The following C20orf203 variants were observed in gnomAD, a reference collection of about 807,000 sequenced individuals.
The protein encoded by C20orf203 is chromosome 20 open reading frame 203, also known as uncharacterized protein C20orf203.
C20orf203 carries 16 observed loss-of-function variants against 15.9 expected under a neutral mutation model. The observed-to-expected ratio is 1.01, with a 90% CI of 0.68 to 1.53. The LOEUF (loss-of-function observed/expected upper bound fraction) is 1.53. C20orf203 is among the 40% of genes most tolerant of loss of function. The pLI, the probability that C20orf203 is intolerant of heterozygous loss-of-function variation, is 0.00. For missense variants in C20orf203, 263 were observed against 247.5 expected (o/e 1.06, Z -0.42); for synonymous variants, 98 against 97.2 (o/e 1.01, Z -0.05).
At chr20:32,642,967 G>T (rs999217345) in intron 4 of C20orf203, among the ~76,000 whole-genome samples, 1 of 152,152 alleles carries the variant, frequency 6.6e-6, no homozygotes, top group African/African-American at 2.4e-5. Flanking sequence ...CAGGCTGCCG[G>T]TGGGAGGCTA....
chr20:32,635,088 T>C (rs912625282), intron 5 of C20orf203, among the ~76,000 whole-genome samples: 2 of 151,966 alleles, frequency 1.3e-5, no homozygotes, highest in Non-Finnish European at 2.9e-5. Context: ...TAATCCCAGC[T>C]ACTCAGGAGG....
At chr20:32,663,720 C>T (rs868247280) in intron 1 of C20orf203, among the ~76,000 whole-genome samples, 1 of 152,246 alleles carries the variant, frequency 6.6e-6, no homozygotes, top group Non-Finnish European at 1.5e-5. Flanking sequence ...AGCCCAGGTT[C>T]ATCCCCTCCA....
rs1983058226 is a variant in C20orf203 at position 32,667,228 on chromosome 20, A to G, written c.-264+6404T>C. Among the ~76,000 whole-genome samples, 5 of 152,196 alleles carry G rather than the reference A, an allele frequency of 3.3e-5. 1 individual carries two copies. Among genetic ancestry groups the G allele is most frequent in the African/African-American group, 1.2e-4 (5 of 41,516 alleles). On this transcript the variant is annotated intron_variant, in intron 1 of 5. Coordinates refer to ENST00000608990, the MANE Select transcript of C20orf203 (RefSeq NM_182584.4). ...GGGTCACCTGGGATTTTATTCCAAG[A>G]GCTTCGAGGTCGTGGGAGGGCTTTA...
At chr20:32,634,803 C>CAT (rs141321913) in intron 5 of C20orf203, among the ~76,000 whole-genome samples, 312 of 149,502 alleles carry the variant, frequency 2.1e-3, no homozygotes, top group South Asian at 4.2e-3. Context: ...CCTACATATG[C>CAT]ATATATATAT....
intron 1 of C20orf203, among the ~76,000 whole-genome samples, chr20:32,653,823 T>C (rs914354411): frequency 1.3e-5 from 2 of 152,220 alleles, no homozygotes; most frequent in African/African-American, 2.4e-5. Flanking sequence ...TTGGGAGCAG[T>C]GGCTCATGCC....
In C20orf203 at chr20:32,662,918, G is replaced by GATATAT. The variant is rs35258914; in HGVS notation, c.-264+10708_-264+10713dup. On this transcript the variant is annotated intron_variant, in intron 1 of 5. Coordinates refer to ENST00000608990, the MANE Select transcript of C20orf203 (RefSeq NM_182584.4). Reference sequence around the variant, plus strand: ...AAAAAAAACAAGAAAGGAACAGCTAGATATATATATATAGATAGATAGATA... The same window carrying GATATAT: ...AAAAAAAACAAGAAAGGAACAGCTAGATATATATATATATATATAGATAGATAGATA... Among the ~76,000 whole-genome samples, 1,209 of 133,962 alleles carry GATATAT rather than the reference G, an allele frequency of 9.0e-3. 13 individuals carry two copies. Among genetic ancestry groups the GATATAT allele is most frequent in the African/African-American group, 0.019 (666 of 34,744 alleles). 87.9% of individuals were successfully genotyped at this position (133,962 alleles called of 152,430 possible).
chr20:32,673,391 A>T (rs1432558498), intron 1 of C20orf203, among the ~76,000 whole-genome samples: 1 of 151,860 alleles, frequency 6.6e-6, no homozygotes, highest in Non-Finnish European at 1.5e-5. Context: ...CGCCTCAGCC[A>T]TAGCTGCCGG....
At position 32,650,369 on chromosome 20, in the gene C20orf203, A is replaced by T. The variant is rs1982570908; in HGVS notation, c.*63T>A. 3 of 1,194,420 alleles carry T rather than the reference A, an allele frequency of 2.5e-6. No homozygotes were observed. The highest frequency in any genetic ancestry group is 4.1e-5 in the Admixed American group (2 of 48,210). 74.0% of individuals were successfully genotyped at this position (1,194,420 alleles called of 1,614,324 possible). On this transcript the variant is annotated 3_prime_UTR_variant, in exon 4 of 6. Transcript: ENST00000608990. ...GGGGGTGGTAACAGGGGACACCCTG[A>T]GGTGGTGGTGGCCTTGGTAGGACAG...
chr20:32,666,836 G>GT (rs146807849), intron 1 of C20orf203, among the ~76,000 whole-genome samples: 28,423 of 81,614 alleles, frequency 0.35, 5,252 homozygotes, highest in Middle Eastern at 0.49. Flanking sequence ...GTTTTGTTTT[G>GT]TTTTTTAGAG....
At position 32,634,215 on chromosome 20, in the gene C20orf203, G is replaced by A. The variant is rs1982077839; in HGVS notation, c.*1355C>T. The A allele has an allele frequency of 2.5e-6, 1 of 398,670 alleles. No individual in the cohort carries two copies. The highest frequency in any genetic ancestry group is 2.1e-5 in the African/African-American group (1 of 48,748). 24.7% of individuals were successfully genotyped at this position (398,670 alleles called of 1,614,324 possible). ...GGGGCTTGAGTTCAGGGGTTGGGGG[G>A]AGGTTCCTAGCCTGGGGGCTCTGGA... On this transcript the variant is annotated 3_prime_UTR_variant, in exon 6 of 6. Transcript: ENST00000608990.
chr20:32,661,465 G>T (rs1447820760), intron 1 of C20orf203, among the ~76,000 whole-genome samples: 2 of 152,232 alleles, frequency 1.3e-5, no homozygotes, highest in Non-Finnish European at 2.9e-5. Context: ...ATGTGCTCCA[G>T]TGGTGTCCAG....
chr20:32,667,990 G>A (rs1412032862), intron 1 of C20orf203, among the ~76,000 whole-genome samples: 7 of 152,178 alleles, frequency 4.6e-5, no homozygotes, highest in Non-Finnish European at 8.8e-5. Context: ...TAGCCACTCA[G>A]TATCATACAG....
chr20:32,655,132 G>C (rs1982724012), intron 1 of C20orf203, among the ~76,000 whole-genome samples: 1 of 152,188 alleles, frequency 6.6e-6, no homozygotes, highest in African/African-American at 2.4e-5. Flanking sequence ...AATTAAAGTG[G>C]ATGAAAACAA....
At chr20:32,659,536 C>T (rs1982841966) in intron 1 of C20orf203, among the ~76,000 whole-genome samples, 1 of 152,244 alleles carries the variant, frequency 6.6e-6, no homozygotes, top group African/African-American at 2.4e-5. Context: ...GCTCAGGGAA[C>T]CTACATGAGT....
intron 4 of C20orf203, among the ~76,000 whole-genome samples, chr20:32,648,425 TGTC>T (rs1982496390): frequency 7.4e-6 from 1 of 134,862 alleles, no homozygotes; most frequent in Non-Finnish European, 1.6e-5. Context: ...TGCCTGAAAC[TGTC>T]TTTTTTTTTT....
intron 4 of C20orf203, among the ~76,000 whole-genome samples, chr20:32,642,336 G>T (rs1282020028): frequency 6.6e-6 from 1 of 152,196 alleles, no homozygotes; most frequent in Non-Finnish European, 1.5e-5. Flanking sequence ...TCCTGCTGGG[G>T]CCTGGCCCAC....
intron 5 of C20orf203, among the ~76,000 whole-genome samples, chr20:32,638,006 A>ATGTGTGCT: frequency 6.6e-6 from 1 of 151,498 alleles, no homozygotes; most frequent in African/African-American, 2.4e-5. Flanking sequence ...TGTTGTTTGC[A>ATGTGTGCT]TGTGTGCTTG....
chr20:32,651,168 TAAAA>T lies in C20orf203; in HGVS notation c.-14-6_-14-3del, dbSNP rs11313159. 4,529 of 292,138 alleles carry T rather than the reference TAAAA, an allele frequency of 0.016. No homozygotes were observed. The highest frequency in any genetic ancestry group is 0.024 in the Middle Eastern group (29 of 1,194). 18.1% of individuals were successfully genotyped at this position (292,138 alleles called of 1,614,324 possible). ...TAGGAAACATAGGAGACCCTCTCTC[TAAAA>T]AAAAAAAAAAAAAAAAAAAAATTAG... On this transcript the variant is annotated splice_polypyrimidine_tract_variant and splice_region_variant and intron_variant, in intron 2 of 5. Transcript: ENST00000608990.
Position 32,650,357 on chromosome 20 carries a change from G to A in C20orf203, c.*75C>T. ...AGAATGATTGTGGGGGGTGGTAACA[G>A]GGGACACCCTGAGGTGGTGGTGGCC... On this transcript the variant is annotated 3_prime_UTR_variant, in exon 4 of 6. Coordinates refer to ENST00000608990, the MANE Select transcript of C20orf203 (RefSeq NM_182584.4). The A allele has an allele frequency of 3.7e-6, 4 of 1,076,228 alleles. No homozygotes were observed. Among genetic ancestry groups the A allele is most frequent in the South Asian group, 1.5e-5 (1 of 65,804 alleles). 66.7% of individuals were successfully genotyped at this position (1,076,228 alleles called of 1,614,324 possible).
Sources: gnomAD v4.1 joint callset for allele counts (sites outside exome capture counted in the v4.1 genomes callset) on GRCh38, gnomAD v4.1.1 for gene constraint, MANE v1.5 for transcripts, NCBI Gene and HGNC (gene_info 2026-07-23, HGNC 2026-07-21) for gene names.